Variants in VAV2 observed in about 807,000 individuals in gnomAD.
The protein encoded by VAV2 is guanine nucleotide exchange factor VAV2.
In VAV2, 67 loss-of-function variants were observed where a neutral mutation model predicts 132.5. The observed-to-expected ratio is 0.51, with a 90% confidence interval of 0.42 to 0.62. VAV2 has a LOEUF of 0.62. Ranked by LOEUF, VAV2 falls within the 20% of genes least tolerant of loss-of-function variation. The pLI, the probability that VAV2 is intolerant of heterozygous loss-of-function variation, is 0.00. For missense variants in VAV2, 938 were observed against 1,153.6 expected (o/e 0.81, Z 2.71); for synonymous variants, 492 against 443.5 (o/e 1.11, Z -1.37).
chr9:133,798,077 G>A (rs1246349912), intron 9 of VAV2, among the ~76,000 whole-genome samples: 8 of 152,154 alleles, frequency 5.3e-5, no homozygotes, highest in South Asian at 4.1e-4. Context: ...GTCAGGTCCC[G>A]GCTGGGATGC....
Position 133,769,516 on chromosome 9 carries a change from G to A in VAV2, c.2348-13C>T, listed in dbSNP as rs1463844600. The A allele has an allele frequency of 1.0e-5, 16 of 1,607,944 alleles. 1 individual carries two copies. The highest frequency in any genetic ancestry group is 1.7e-4 in the Middle Eastern group (1 of 6,052). On this transcript the variant is annotated splice_polypyrimidine_tract_variant and intron_variant, in intron 27 of 29. Coordinates refer to ENST00000371850, the MANE Select transcript of VAV2 (RefSeq NM_001134398.2). This position sits in a 1 kb window ranked among gnomAD's most constrained non-coding sequence, Gnocchi z 8.1. ...GAAGCACAGGAAGCTGCAAAGAGGC[G>A]AGAGAGAACGTGAGGCGGGCAGCAG...
intron 2 of VAV2, among the ~76,000 whole-genome samples, chr9:133,903,367 G>T (rs1357956528): frequency 6.6e-6 from 1 of 152,186 alleles, no homozygotes; most frequent in African/African-American, 2.4e-5. Context: ...CCCGGCTCAG[G>T]GTCCCATGCC....
intron 4 of VAV2, among the ~76,000 whole-genome samples, chr9:133,830,516 G>A (rs1314302955): frequency 6.6e-6 from 1 of 152,172 alleles, no homozygotes; most frequent in Admixed American, 6.5e-5. Flanking sequence ...TGCCCTTCTT[G>A]CTGCTGCCAT....
At chr9:133,942,333 C>T (rs1244843959) in intron 1 of VAV2, among the ~76,000 whole-genome samples, 2 of 152,178 alleles carry the variant, frequency 1.3e-5, no homozygotes, top group African/African-American at 2.4e-5. Context: ...GGCTCTCCTC[C>T]GTGGCCCCAC....
intron 4 of VAV2, among the ~76,000 whole-genome samples, chr9:133,816,097 C>T (rs1835549230): frequency 6.6e-6 from 1 of 152,224 alleles, no homozygotes. Flanking sequence ...GCTAACGCTG[C>T]TGAGGGGTCT....
intron 2 of VAV2, among the ~76,000 whole-genome samples, chr9:133,862,675 T>C (rs1297542327): frequency 6.6e-6 from 1 of 152,110 alleles, no homozygotes; most frequent in African/African-American, 2.4e-5. Context: ...GCTGGCGTCA[T>C]AGGAACGGAG....
At chr9:133,812,715 T>C (rs527417079) in intron 4 of VAV2, among the ~76,000 whole-genome samples, 13 of 152,286 alleles carry the variant, frequency 8.5e-5, no homozygotes, top group African/African-American at 3.1e-4. Flanking sequence ...TCCGGGTACA[T>C]GGAGGGTGAC....
chr9:133,846,399 C>T (rs1173667068), intron 3 of VAV2, among the ~76,000 whole-genome samples: 1 of 152,242 alleles, frequency 6.6e-6, no homozygotes, highest in African/African-American at 2.4e-5. Flanking sequence ...CCTGGGCGTC[C>T]ACAGCAGCCC....
intron 3 of VAV2, among the ~76,000 whole-genome samples, chr9:133,843,011 G>A (rs959241107): frequency 3.9e-5 from 6 of 152,186 alleles, no homozygotes; most frequent in African/African-American, 1.2e-4. Flanking sequence ...TATTAGAAAC[G>A]GTTCTCCTGC....
At chr9:133,887,623 G>A (rs149796697) in intron 2 of VAV2, among the ~76,000 whole-genome samples, 304 of 151,998 alleles carry the variant, frequency 2.0e-3, no homozygotes, top group Middle Eastern at 6.8e-3. Context: ...GGGACACCAC[G>A]GACTCCACTT....
chr9:133,807,434 T>C, intron 7 of VAV2, 108 bp from the exon 8 acceptor site: 5 of 1,113,468 alleles, frequency 4.5e-6, no homozygotes, highest in Non-Finnish European at 6.3e-6. Context: ...GGCACTGGGG[T>C]GCTCCATGCT....
intron 3 of VAV2, among the ~76,000 whole-genome samples, chr9:133,855,656 T>C (rs1837357100): frequency 6.6e-6 from 1 of 152,182 alleles, no homozygotes; most frequent in African/African-American, 2.4e-5. Flanking sequence ...CCCCCGCACA[T>C]GGGAAGACCA....
chr9:133,981,926 G>A (rs1842707071), intron 1 of VAV2, among the ~76,000 whole-genome samples: 1 of 152,258 alleles, frequency 6.6e-6, no homozygotes, highest in Non-Finnish European at 1.5e-5. Flanking sequence ...CTGGCACGAA[G>A]AGGGCCTGGG....
chr9:133,967,448 A>G (rs756336616), intron 1 of VAV2, among the ~76,000 whole-genome samples: 1 of 152,172 alleles, frequency 6.6e-6, no homozygotes, highest in Non-Finnish European at 1.5e-5. Context: ...ATATATCTGC[A>G]CTCCCACCTT....
chr9:133,777,498 C>A, intron 22 of VAV2, 35 bp from the exon 23 acceptor site: 1 of 1,602,986 alleles, frequency 6.2e-7, no homozygotes, highest in Non-Finnish European at 8.5e-7. Flanking sequence ...GACAAGGGGG[C>A]CGAGCCTGGC....
At chr9:133,792,068 T>G (rs1162792251) in intron 12 of VAV2, among the ~76,000 whole-genome samples, 199 bp from the exon 13 acceptor site, 2 of 131,048 alleles carry the variant, frequency 1.5e-5, no homozygotes, top group Non-Finnish European at 1.6e-5. Flanking sequence ...TGTGCTGTGG[T>G]GTGTGTGTGT....
chr9:133,847,927 G>A (rs1837001822), intron 3 of VAV2, among the ~76,000 whole-genome samples: 1 of 152,100 alleles, frequency 6.6e-6, no homozygotes, highest in South Asian at 2.1e-4. Flanking sequence ...TAACAGGGAG[G>A]GAAAGAAGCA....
At chr9:133,956,433 A>G (rs547977459) in intron 1 of VAV2, among the ~76,000 whole-genome samples, 1 of 151,868 alleles carries the variant, frequency 6.6e-6, no homozygotes, top group South Asian at 2.1e-4. Context: ...CTGTCTTTCT[A>G]CCTTTCTGAG....
intron 1 of VAV2, among the ~76,000 whole-genome samples, chr9:133,982,281 A>T (rs1026701221): frequency 9.2e-5 from 14 of 152,082 alleles, no homozygotes; most frequent in African/African-American, 2.9e-4. Context: ...GGCCGGCAGG[A>T]GGGTGCCTCC....
Sources: allele counts gnomAD v4.1 joint callset (sites outside exome capture counted in the v4.1 genomes callset), GRCh38; gene constraint gnomAD v4.1.1; non-coding constraint Gnocchi (gnomAD v3.1); transcripts MANE v1.5; gene names NCBI Gene and HGNC (gene_info 2026-07-23, HGNC 2026-07-21).